AKAP19: variants seen among roughly 807,000 people sequenced by gnomAD.
The protein encoded by AKAP19 is A-kinase anchoring protein 19.
At chr2:190,106,157 A>G in the AKAP19 span, among the ~76,000 whole-genome samples, 1 of 152,222 alleles carries the variant, frequency 6.6e-6, no homozygotes, top group Non-Finnish European at 1.5e-5. Flanking sequence ...ATAATAATTG[A>G]AAGTATAGAT....
At chr2:190,038,670 GA>G in the AKAP19 span, among the ~76,000 whole-genome samples, 2 of 151,704 alleles carry the variant, frequency 1.3e-5, no homozygotes, top group East Asian at 1.9e-4. Flanking sequence ...TCCAACCCAG[GA>G]AAAAAAATTG....
the AKAP19 span, among the ~76,000 whole-genome samples, chr2:189,957,308 A>G: frequency 6.6e-6 from 1 of 152,244 alleles, no homozygotes; most frequent in Non-Finnish European, 1.5e-5. Context: ...GAAATTTTCT[A>G]TGCTATACAT....
At chr2:189,965,696 T>A in the AKAP19 span, among the ~76,000 whole-genome samples, 3 of 152,040 alleles carry the variant, frequency 2.0e-5, no homozygotes. Flanking sequence ...TCTACACTGC[T>A]GGTGGGAATG....
chr2:189,928,780 T>G, the AKAP19 span, among the ~76,000 whole-genome samples: 1 of 152,138 alleles, frequency 6.6e-6, no homozygotes, highest in Non-Finnish European at 1.5e-5. Flanking sequence ...GTGTTTTGCA[T>G]GTAGAAAAAT....
chr2:190,024,541 A>G, the AKAP19 span, among the ~76,000 whole-genome samples: 3 of 152,080 alleles, frequency 2.0e-5, no homozygotes, highest in Non-Finnish European at 4.4e-5. Context: ...TGCTGAGGAT[A>G]TCTAGGCTGC....
the AKAP19 span, among the ~76,000 whole-genome samples, chr2:190,127,939 TTCACAGATATAAAATTTAAA>T: frequency 2.3e-3 from 343 of 152,054 alleles, 2 homozygotes; most frequent in African/African-American, 7.7e-3. Flanking sequence ...AACCTGAGAA[TTCACAGATATAAAATTTAAA>T]TCACAGATAT....
the AKAP19 span, among the ~76,000 whole-genome samples, chr2:189,955,223 A>G: frequency 1.3e-5 from 2 of 152,208 alleles, no homozygotes; most frequent in Non-Finnish European, 2.9e-5. Flanking sequence ...TCATTTCACC[A>G]AGGATAATGG....
the AKAP19 span, among the ~76,000 whole-genome samples, chr2:189,937,063 A>G: frequency 6.6e-6 from 1 of 152,172 alleles, no homozygotes; most frequent in Non-Finnish European, 1.5e-5. Flanking sequence ...TGAGCCCAGG[A>G]GATTGAGGTT....
At chr2:190,161,686 A>G in the AKAP19 span, among the ~76,000 whole-genome samples, 3 of 152,302 alleles carry the variant, frequency 2.0e-5, no homozygotes, top group South Asian at 6.2e-4. Flanking sequence ...AGAAGCAGGA[A>G]CTGAGGAGTA....
the AKAP19 span, among the ~76,000 whole-genome samples, chr2:189,882,731 A>G: frequency 6.6e-6 from 1 of 152,144 alleles, no homozygotes; most frequent in Non-Finnish European, 1.5e-5. Flanking sequence ...GTGAAATTCA[A>G]CAGAACTGTT....
At chr2:190,156,770 GT>G in the AKAP19 span, among the ~76,000 whole-genome samples, 1 of 152,128 alleles carries the variant, frequency 6.6e-6, no homozygotes, top group Admixed American at 6.5e-5. Flanking sequence ...TGCTGAAAAG[GT>G]TTGGGGAGAA....
At chr2:190,152,015 C>CA in the AKAP19 span, among the ~76,000 whole-genome samples, 501 of 144,704 alleles carry the variant, frequency 3.5e-3, 7 homozygotes, top group Non-Finnish European at 5.4e-3. Flanking sequence ...AAAACAACAA[C>CA]AAAAAAAAAA....
the AKAP19 span, among the ~76,000 whole-genome samples, chr2:190,120,996 T>C: frequency 1.3e-5 from 2 of 152,186 alleles, no homozygotes. Context: ...GCTTATTCTT[T>C]TAGGAATTTG....
the AKAP19 span, among the ~76,000 whole-genome samples, chr2:189,981,408 G>C: frequency 6.6e-6 from 1 of 151,916 alleles, no homozygotes; most frequent in Non-Finnish European, 1.5e-5. Context: ...TTACATGTGA[G>C]ATGGATCTCT....
At chr2:190,109,166 A>T in the AKAP19 span, among the ~76,000 whole-genome samples, 1 of 152,216 alleles carries the variant, frequency 6.6e-6, no homozygotes, top group South Asian at 2.1e-4. Flanking sequence ...TTCCAACTCT[A>T]GGCAATCAAG....
At chr2:189,917,349 A>G in the AKAP19 span, 8 of 1,246,260 alleles carry the variant, frequency 6.4e-6, no homozygotes, top group Middle Eastern at 2.5e-4. Flanking sequence ...TTATAATGCA[A>G]TAGTATTTTA....
chr2:189,914,505 G>T, the AKAP19 span, among the ~76,000 whole-genome samples: 7 of 151,870 alleles, frequency 4.6e-5, no homozygotes, highest in Non-Finnish European at 8.8e-5. Context: ...AAGCTAAATA[G>T]GAAATTATGG....
chr2:190,057,281 C>T, the AKAP19 span: 3 of 1,613,292 alleles, frequency 1.9e-6, no homozygotes, highest in Non-Finnish European at 2.5e-6. Flanking sequence ...CAGCGGTCTA[C>T]TACCATCGCT....
the AKAP19 span, among the ~76,000 whole-genome samples, chr2:190,088,249 C>G: frequency 3.9e-5 from 6 of 151,942 alleles, no homozygotes; most frequent in Non-Finnish European, 8.8e-5. Context: ...TGTCTGGGGA[C>G]CTCTGATTTA....
Sources: allele counts gnomAD v4.1 joint callset (sites outside exome capture counted in the v4.1 genomes callset), GRCh38; gene constraint gnomAD v4.1.1; transcripts MANE v1.5; gene names NCBI Gene and HGNC (gene_info 2026-07-23, HGNC 2026-07-21).